Variants in ADGRG2 observed in about 807,000 individuals in gnomAD.
The protein encoded by ADGRG2 is G protein-coupled receptor 64.
Under a neutral mutation model 74.1 loss-of-function variants are expected in ADGRG2, and 26 were observed. That is an observed-to-expected ratio of 0.35 (90% CI 0.26 to 0.49). The LOEUF is 0.49. Ranked by LOEUF, ADGRG2 falls within the 20% of genes least tolerant of loss-of-function variation. The pLI is 0.99. For missense variants in ADGRG2, 619 were observed against 763.1 expected (o/e 0.81, Z 2.22); for synonymous variants, 296 against 295.2 (o/e 1.00, Z -0.03).
intron 1 of ADGRG2, among the ~76,000 whole-genome samples, chrX:19,093,899 G>T (rs1474294059): frequency 3.6e-5 from 3 of 84,170 alleles, no homozygotes; most frequent in African/African-American, 1.6e-4. Context: ...TGGTATGTAG[G>T]TATACACACA....
chrX:19,063,738 G>GT (rs1239988206), intron 3 of ADGRG2, among the ~76,000 whole-genome samples: 1 of 111,783 alleles, frequency 8.9e-6, no homozygotes, highest in Non-Finnish European at 1.9e-5. Flanking sequence ...ATATCCCCAG[G>GT]TATGGATGGA....
chrX:19,031,565 G>T, intron 8 of ADGRG2: 1 of 114,390 alleles, frequency 8.7e-6, no homozygotes, highest in Non-Finnish European at 1.9e-5. Flanking sequence ...TACAGGCTTT[G>T]GGAGTTTCCA....
At chrX:19,041,619 C>T (rs188284611) in intron 3 of ADGRG2, among the ~76,000 whole-genome samples, 7 of 111,347 alleles carry the variant, frequency 6.3e-5, no homozygotes, top group African/African-American at 1.6e-4. Flanking sequence ...AATCATAGTT[C>T]GGCTCGAAAG....
chrX:19,007,466 G>C (rs1046709631), intron 19 of ADGRG2, 109 bp from the exon 20 acceptor site: 2 of 708,339 alleles, frequency 2.8e-6, no homozygotes, highest in African/African-American at 4.3e-5. Context: ...ATATAGGTCA[G>C]AAATCGAGGG....
At chrX:18,992,685 A>G (rs1329445826) in intron 28 of ADGRG2, among the ~76,000 whole-genome samples, 1 of 112,281 alleles carries the variant, frequency 8.9e-6, no homozygotes, top group Non-Finnish European at 1.9e-5. Flanking sequence ...TCTGACATGC[A>G]TATTATGTGA....
At chrX:19,100,183 C>T (rs965011203) in intron 1 of ADGRG2, among the ~76,000 whole-genome samples, 5 of 112,844 alleles carry the variant, frequency 4.4e-5, no homozygotes, top group African/African-American at 1.3e-4. Flanking sequence ...CAGATGACAT[C>T]GTGTTCCTGA....
intron 3 of ADGRG2, among the ~76,000 whole-genome samples, chrX:19,059,051 C>CA (rs1471084842): frequency 6.3e-5 from 7 of 111,303 alleles, no homozygotes. Context: ...GGCACGGTGG[C>CA]ATGCACCTGT....
chrX:19,052,178 C>T (rs1366436951), intron 3 of ADGRG2, among the ~76,000 whole-genome samples: 6 of 111,991 alleles, frequency 5.4e-5, no homozygotes, highest in Non-Finnish European at 1.1e-4. Flanking sequence ...ACTTGTTTGA[C>T]TTGAGAGCCC....
At chrX:18,995,893 T>G (rs7051266) in intron 27 of ADGRG2, among the ~76,000 whole-genome samples, 158 bp downstream of exon 27, 6,893 of 111,845 alleles carry the variant, frequency 0.062, 515 homozygotes, top group African/African-American at 0.21. Flanking sequence ...ACTAGATTTT[T>G]TTTTCTCCCT....
intron 1 of ADGRG2, among the ~76,000 whole-genome samples, chrX:19,083,142 T>A (rs889419265): frequency 2.8e-5 from 3 of 109,052 alleles, no homozygotes; most frequent in Non-Finnish European, 3.8e-5. Context: ...CAGCTGGTAT[T>A]ACAGGCACAC....
upstream of ADGRG2, among the ~76,000 whole-genome samples, chrX:19,122,919 G>A (rs1031579951): frequency 5.3e-5 from 6 of 112,223 alleles, no homozygotes; most frequent in East Asian, 2.8e-4. Flanking sequence ...GGCTCGCCCC[G>A]GTACCCATAT....
At chrX:19,008,254 C>T (rs1601871803) in intron 18 of ADGRG2, 131 bp from the exon 19 acceptor site, 6 of 455,217 alleles carry the variant, frequency 1.3e-5, no homozygotes, top group Middle Eastern at 1.3e-3. Flanking sequence ...ATAAAAACCA[C>T]AATTACTTTT....
intron 10 of ADGRG2, 39 bp from the exon 11 acceptor site, chrX:19,027,313 T>C (rs1336218990): frequency 2.3e-6 from 2 of 875,131 alleles, no homozygotes; most frequent in Non-Finnish European, 3.4e-6. Context: ...ATAACAAACA[T>C]TGTTTTGTTT....
At chrX:19,107,970 C>G (rs761179948) in intron 1 of ADGRG2, among the ~76,000 whole-genome samples, 3 of 106,626 alleles carry the variant, frequency 2.8e-5, no homozygotes, top group South Asian at 8.5e-4. Flanking sequence ...TGTGGTGGCA[C>G]GCACCTGTAG....
chrX:19,051,738 G>A (rs1173980493), intron 3 of ADGRG2, among the ~76,000 whole-genome samples: 1 of 111,313 alleles, frequency 9.0e-6, no homozygotes, highest in Non-Finnish European at 1.9e-5. Context: ...CATGGGAACT[G>A]AGGTTCCTAG....
chrX:19,049,455 T>TTTTTTTTTTTTTTTTTTTG (rs1328733136), intron 3 of ADGRG2, among the ~76,000 whole-genome samples: 2 of 90,993 alleles, frequency 2.2e-5, no homozygotes, highest in African/African-American at 9.7e-5. Flanking sequence ...TTTTTTTTTT[T>TTTTTTTTTTTTTTTTTTTG]TTGTTGTTGT....
At chrX:19,117,662 C>CA in intron 1 of ADGRG2, among the ~76,000 whole-genome samples, 1 of 109,991 alleles carries the variant, frequency 9.1e-6, no homozygotes, top group African/African-American at 3.3e-5. Flanking sequence ...ACTAAAAATA[C>CA]AAAAATTAGC....
intron 15 of ADGRG2, among the ~76,000 whole-genome samples, chrX:19,014,962 T>G (rs1382627890): frequency 9.0e-6 from 1 of 111,639 alleles, no homozygotes; most frequent in African/African-American, 3.3e-5. Context: ...TATGTGTATA[T>G]AGATTTCTAT....
intron 2 of ADGRG2, among the ~76,000 whole-genome samples, chrX:19,078,680 T>C (rs933905691): frequency 1.8e-5 from 2 of 108,506 alleles, no homozygotes; most frequent in African/African-American, 6.7e-5. Context: ...ACATACAAAT[T>C]AGAAAAAGAG....
Sources: gnomAD v4.1 joint callset for allele counts (sites outside exome capture counted in the v4.1 genomes callset) on GRCh38, gnomAD v4.1.1 for gene constraint, MANE v1.5 for transcripts, NCBI Gene and HGNC (gene_info 2026-07-23, HGNC 2026-07-21) for gene names.